PTPN9: variants seen among roughly 807,000 people sequenced by gnomAD.
PTPN9 encodes the protein protein tyrosine phosphatase non-receptor type 9.
In PTPN9, 26 loss-of-function variants were observed where a neutral mutation model predicts 69.8. That is an observed-to-expected ratio of 0.37 (90% CI 0.27 to 0.52). The LOEUF is 0.52. Among genes scored for constraint, PTPN9 ranks in the 20% least tolerant of loss-of-function variants. The probability of loss-of-function intolerance (pLI) is 0.91; values close to 1 mark genes in which losing one functional copy is unlikely to be tolerated. For missense variants in PTPN9, 549 were observed against 740.3 expected (o/e 0.74, Z 3.00); for synonymous variants, 274 against 272.5 (o/e 1.01, Z -0.05).
intron 1 of PTPN9, among the ~76,000 whole-genome samples, chr15:75,547,398 A>G (rs991961613): frequency 1.3e-5 from 2 of 151,808 alleles, no homozygotes; most frequent in Non-Finnish European, 2.9e-5. Flanking sequence ...AGAGTTCAAG[A>G]CCACCCTGGC....
intron 5 of PTPN9, among the ~76,000 whole-genome samples, chr15:75,516,019 G>A (rs2074867756): frequency 6.6e-6 from 1 of 151,920 alleles, no homozygotes; most frequent in Non-Finnish European, 1.5e-5. Flanking sequence ...AATTATTAGG[G>A]GAAAAAATAT....
chr15:75,539,882 G>C (rs186532507), intron 1 of PTPN9, among the ~76,000 whole-genome samples: 1 of 151,616 alleles, frequency 6.6e-6, no homozygotes, highest in Non-Finnish European at 1.5e-5. Flanking sequence ...TGTTGGCCAG[G>C]CTGGTCTCGA....
At chr15:75,481,810 C>T (rs1237326899) in intron 8 of PTPN9, among the ~76,000 whole-genome samples, 3 of 129,968 alleles carry the variant, frequency 2.3e-5, no homozygotes, top group Non-Finnish European at 3.3e-5. Context: ...CCCGGCCAGC[C>T]GCCCCGTCCG....
At position 75,568,578 on chromosome 15, in the gene PTPN9, T is replaced by C. The variant is rs2075136227; in HGVS notation, c.63+10136A>G. 2.0e-5 allele frequency among the ~76,000 whole-genome samples: 3 copies of C among 149,918 alleles called. No homozygotes were observed. The South Asian group carries it at 6.3e-4, about 31-fold the overall frequency. ...GGATGGACACAGTGGCTCATGTCTG[T>C]AATCCTAGCACTTTGGGAGGCCGAG... is the stretch of plus-strand genomic sequence containing the variant. On this transcript the variant is annotated intron_variant, in intron 1 of 12. Coordinates refer to ENST00000618819, the MANE Select transcript of PTPN9 (RefSeq NM_002833.4).
At chr15:75,565,080 G>A (rs975917850) in intron 1 of PTPN9, among the ~76,000 whole-genome samples, 7 of 148,246 alleles carry the variant, frequency 4.7e-5, no homozygotes, top group African/African-American at 1.7e-4. Context: ...CAGCCTGGGC[G>A]ACAGAAAAAG....
intron 9 of PTPN9, among the ~76,000 whole-genome samples, chr15:75,476,945 C>A: frequency 6.6e-6 from 1 of 152,212 alleles, no homozygotes; most frequent in East Asian, 1.9e-4. Flanking sequence ...AGTTACCAGA[C>A]TGGGGCTGGG....
At chr15:75,471,974 C>T (rs139235138) in intron 10 of PTPN9, among the ~76,000 whole-genome samples, 50 of 152,118 alleles carry the variant, frequency 3.3e-4, no homozygotes, top group African/African-American at 1.2e-3. Flanking sequence ...TACCTTGCCA[C>T]CCTCCAGTGG....
chr15:75,573,437 C>G (rs1349081795), intron 1 of PTPN9, among the ~76,000 whole-genome samples: 2 of 152,152 alleles, frequency 1.3e-5, no homozygotes, highest in Non-Finnish European at 2.9e-5. Context: ...ACAAGAAACA[C>G]CAAAGTTACA....
chr15:75,478,081 C>T (rs540788959), intron 9 of PTPN9, among the ~76,000 whole-genome samples: 62 of 151,992 alleles, frequency 4.1e-4, no homozygotes, highest in East Asian at 1.9e-3. Flanking sequence ...CCTTGTGATC[C>T]GCCTGCCTCG....
intron 1 of PTPN9, among the ~76,000 whole-genome samples, chr15:75,563,101 G>A (rs892366796): frequency 1.1e-4 from 16 of 152,058 alleles, no homozygotes; most frequent in African/African-American, 3.6e-4. Context: ...CCACACTCAA[G>A]TAGGCCCAGG....
chr15:75,569,229 C>A (rs1243113796), intron 1 of PTPN9, among the ~76,000 whole-genome samples: 2 of 152,104 alleles, frequency 1.3e-5, no homozygotes, highest in Non-Finnish European at 2.9e-5. Context: ...GGTTCTATGA[C>A]TTCTAATCTT....
At chr15:75,572,464 C>T (rs1202709351) in intron 1 of PTPN9, among the ~76,000 whole-genome samples, 5 of 152,042 alleles carry the variant, frequency 3.3e-5, no homozygotes, top group East Asian at 1.9e-4. Context: ...AATCCGAGCA[C>T]TTGGGGAGGC....
rs1440208880 is a variant in PTPN9 at position 75,463,280 on chromosome 15, A to T, written c.*5489T>A. The T allele has an allele frequency of 6.6e-6, 1 of 152,244 alleles. No homozygotes were observed. Among genetic ancestry groups the T allele is most frequent in the African/African-American group, 2.4e-5 (1 of 41,464 alleles). 9.4% of individuals were successfully genotyped at this position (152,244 alleles called of 1,614,324 possible). A position where few individuals can be genotyped will look rare whatever the true frequency, so the allele number is the denominator to read the frequency against. On this transcript the variant is annotated 3_prime_UTR_variant, in exon 13 of 13. Transcript: ENST00000618819. The stretch of plus-strand genomic sequence containing the variant: ...GGCCACAGAAAATTTTTTATTAAAA[A>T]TACATTTTTTCACAGAAGAAAATTC...
At position 75,578,806 on chromosome 15, in the gene PTPN9, A is replaced by G. The variant is rs2075186138; in HGVS notation, c.-30T>C. On this transcript the variant is annotated 5_prime_UTR_variant, in exon 1 of 13. Transcript: ENST00000618819. ...CCGCCACCGCCGCCGGGCGGACAAA[A>G]CTCGCTCGCGAGCGCGGGAGCCCGG... 18 of 1,212,816 alleles carry G rather than the reference A, an allele frequency of 1.5e-5. No homozygotes were observed. In the East Asian group the frequency reaches 6.2e-4, roughly 42 times the overall value. 75.1% of individuals were successfully genotyped at this position (1,212,816 alleles called of 1,614,324 possible).
intron 1 of PTPN9, among the ~76,000 whole-genome samples, chr15:75,558,686 A>G (rs2075088478): frequency 6.6e-6 from 1 of 152,108 alleles, no homozygotes; most frequent in South Asian, 2.1e-4. Context: ...GCGCCGCCAC[A>G]CCTGACTGGT....
intron 1 of PTPN9, among the ~76,000 whole-genome samples, chr15:75,542,679 C>G (rs2075014506): frequency 6.6e-6 from 1 of 152,190 alleles, no homozygotes; most frequent in South Asian, 2.1e-4. Context: ...CCAAGTGTGA[C>G]AGCCCCAGAT....
intron 7 of PTPN9, among the ~76,000 whole-genome samples, chr15:75,504,353 G>A (rs1460043013): frequency 3.3e-4 from 30 of 89,806 alleles, no homozygotes; most frequent in Non-Finnish European, 6.2e-4. Context: ...CCCCTCTGCC[G>A]GGCCAGCCAC....
At position 75,501,380 on chromosome 15, in the gene PTPN9, A is replaced by G. The variant is rs142298551; in HGVS notation, c.968+4295T>C. Among the ~76,000 whole-genome samples, 835 of 151,980 alleles carry G rather than the reference A, an allele frequency of 5.5e-3. 10 individuals carry two copies. Among genetic ancestry groups the G allele is most frequent in the African/African-American group, 0.019 (790 of 41,480 alleles). ...TCACTCACAGAGGGAATTTTTGGTT[A>G]AGTTGGAATATGAGGCTGGGACCCA... On this transcript the variant is annotated intron_variant, in intron 7 of 12. Coordinates refer to ENST00000618819, the MANE Select transcript of PTPN9 (RefSeq NM_002833.4).
At position 75,578,439 on chromosome 15, in the gene PTPN9, C is replaced by A. The variant is rs781104984; in HGVS notation, c.63+275G>T. On this transcript the variant is annotated intron_variant, in intron 1 of 12. Coordinates refer to ENST00000618819, the MANE Select transcript of PTPN9 (RefSeq NM_002833.4). ...AGGCCCCTGGATCCAAGGAACTTTGCCCCTGGAATAGGGGGTGGGGTGCGG... is the reference window on the plus strand; with the variant it reads ...AGGCCCCTGGATCCAAGGAACTTTGACCCTGGAATAGGGGGTGGGGTGCGG... 3.9e-5 allele frequency among the ~76,000 whole-genome samples: 6 copies of A among 152,176 alleles called. No homozygotes were observed. In the South Asian group the frequency reaches 1.2e-3, roughly 32 times the overall value.
Sources: allele counts gnomAD v4.1 joint callset (sites outside exome capture counted in the v4.1 genomes callset), GRCh38; gene constraint gnomAD v4.1.1; transcripts MANE v1.5; gene names NCBI Gene and HGNC (gene_info 2026-07-23, HGNC 2026-07-21).